Variants in NOL4 observed in about 807,000 individuals in gnomAD.
NOL4 encodes nucleolar protein 4.
In NOL4, 17 loss-of-function variants were observed where a neutral mutation model predicts 75.9. The observed-to-expected ratio is 0.22, with a 90% CI of 0.15 to 0.34. The LOEUF (loss-of-function observed/expected upper bound fraction) is 0.34. Among genes scored for constraint, NOL4 ranks in the 10% least tolerant of loss-of-function variants. The pLI is 1.00. For synonymous variants in NOL4, 292 were observed against 289.9 expected, an observed-to-expected ratio of 1.01 and a Z score of -0.07; for missense variants, 614 against 793.5, an observed-to-expected ratio of 0.77 and a Z score of 2.72.
At chr18:34,103,154 A>C (rs536783484) in intron 4 of NOL4, among the ~76,000 whole-genome samples, 1 of 152,180 alleles carries the variant, frequency 6.6e-6, no homozygotes, top group African/African-American at 2.4e-5. Context: ...TGAAAAACAA[A>C]CATTTAACCT....
chr18:34,139,421 CA>C (rs1388661722), intron 1 of NOL4, among the ~76,000 whole-genome samples: 1 of 152,040 alleles, frequency 6.6e-6, no homozygotes, highest in African/African-American at 2.4e-5. Context: ...TGTATGTGTC[CA>C]GGAATTTATC....
rs533093385 is a variant in NOL4 at position 34,026,341 on chromosome 18, C to T, written c.773-6740G>A. 6.6e-5 allele frequency among the ~76,000 whole-genome samples: 10 copies of T among 152,262 alleles called. No individual in the cohort carries two copies. In the South Asian group the frequency reaches 2.1e-3, roughly 32 times the overall value. On this transcript the variant is annotated intron_variant, in intron 5 of 10. Coordinates refer to ENST00000261592, the MANE Select transcript of NOL4 (RefSeq NM_003787.5). ...TCCATCTCCAGCATGGGGAGTATATCCTCTATGCCCTAGTTCCTGCTAAGA... is the reference window on the plus strand; with the variant it reads ...TCCATCTCCAGCATGGGGAGTATATTCTCTATGCCCTAGTTCCTGCTAAGA...
intron 9 of NOL4, among the ~76,000 whole-genome samples, chr18:33,913,398 G>C (rs2066524448): frequency 6.6e-6 from 1 of 152,114 alleles, no homozygotes; most frequent in Non-Finnish European, 1.5e-5. Context: ...CCAATCATCA[G>C]TGTTTGGATG....
At chr18:34,157,482 C>T (rs1193290221) in intron 1 of NOL4, among the ~76,000 whole-genome samples, 1 of 151,764 alleles carries the variant, frequency 6.6e-6, no homozygotes, top group East Asian at 1.9e-4. Flanking sequence ...ATAGAATTGT[C>T]CATGAAGTAG....
chr18:34,190,614 T>C (rs915607924), intron 1 of NOL4, among the ~76,000 whole-genome samples: 3 of 151,902 alleles, frequency 2.0e-5, no homozygotes. Flanking sequence ...TTGTAATTTA[T>C]ATTCATAAAT....
At chr18:34,049,355 G>A (rs181568355) in intron 5 of NOL4, among the ~76,000 whole-genome samples, 4 of 151,926 alleles carry the variant, frequency 2.6e-5, no homozygotes, top group African/African-American at 7.2e-5. Flanking sequence ...GATTTCATAC[G>A]TTATTTTCAA....
chr18:34,026,944 T>C (rs2075373491), intron 5 of NOL4, among the ~76,000 whole-genome samples: 1 of 152,202 alleles, frequency 6.6e-6, no homozygotes, highest in Non-Finnish European at 1.5e-5. Context: ...AGGAAACACA[T>C]GTTTGGGTAT....
intron 9 of NOL4, among the ~76,000 whole-genome samples, chr18:33,911,422 T>G (rs1349189132): frequency 6.6e-6 from 1 of 152,104 alleles, no homozygotes; most frequent in Non-Finnish European, 1.5e-5. Context: ...ATTTTTTACC[T>G]TTCTACTTTA....
At chr18:34,087,052 T>C (rs2078277387) in intron 5 of NOL4, among the ~76,000 whole-genome samples, 1 of 152,124 alleles carries the variant, frequency 6.6e-6, no homozygotes, top group South Asian at 2.1e-4. Flanking sequence ...TTTAGACCTA[T>C]TGCCATTTTG....
chr18:34,031,107 C>CA (rs1198679432), intron 5 of NOL4, among the ~76,000 whole-genome samples: 1 of 151,922 alleles, frequency 6.6e-6, no homozygotes, highest in Non-Finnish European at 1.5e-5. Flanking sequence ...TCAGGAAGGG[C>CA]ACTTATCTCA....
At chr18:33,911,955 A>G (rs1213982180) in intron 9 of NOL4, among the ~76,000 whole-genome samples, 1 of 151,958 alleles carries the variant, frequency 6.6e-6, no homozygotes, top group Non-Finnish European at 1.5e-5. Flanking sequence ...TCCATTTCCT[A>G]CTTGGGTAGG....
At chr18:34,069,946 A>G (rs971473977) in intron 5 of NOL4, among the ~76,000 whole-genome samples, 2 of 152,244 alleles carry the variant, frequency 1.3e-5, no homozygotes, top group African/African-American at 2.4e-5. Flanking sequence ...CTAATCATAT[A>G]AGATACCCCA....
intron 4 of NOL4, 112 bp downstream of exon 4, chr18:34,103,935 T>G: frequency 1.4e-6 from 1 of 710,374 alleles, no homozygotes; most frequent in South Asian, 1.6e-5. Flanking sequence ...GATTCATTCA[T>G]TAAAAAATAA....
At position 34,223,036 on chromosome 18, in the gene NOL4, C is replaced by G; in HGVS notation, c.218G>C (p.Gly73Ala). The G allele has an allele frequency of 6.2e-7, 1 of 1,613,140 alleles. No homozygotes were observed. Residue 73 changes from glycine to alanine, a missense_variant, in exon 1 of 11, where the codon GGA becomes GCA. By Grantham distance (60) the Gly-to-Ala change is moderately conservative. Coordinates refer to ENST00000261592, the MANE Select transcript of NOL4 (RefSeq NM_003787.5). ...QLGQPDEVRG[G>A]GGGAKQVLYV... ...GAGCACTTGCTTGGCGCCGCCGCCT[C>G]CCCCGCGGACCTCGTCCGGCTGGCC...
rs1388230648 is a variant in NOL4 at position 34,032,756 on chromosome 18, G to T, written c.773-13155C>A. Among the ~76,000 whole-genome samples the T allele has an allele frequency of 2.0e-5, 3 of 152,126 alleles. No individual in the cohort carries two copies. The South Asian group carries it at 6.2e-4, about 31-fold the overall frequency. Reference sequence around the variant, plus strand: ...TAAGCCACCTGGAGGCTCAAGAATAGGTTTACCTGAACCAACAAACACCAG... The same window carrying T: ...TAAGCCACCTGGAGGCTCAAGAATATGTTTACCTGAACCAACAAACACCAG... On this transcript the variant is annotated intron_variant, in intron 5 of 10. Transcript: ENST00000261592.
chr18:33,965,329 C>T (rs1395567251), intron 6 of NOL4, among the ~76,000 whole-genome samples: 5 of 151,974 alleles, frequency 3.3e-5, no homozygotes, highest in Non-Finnish European at 5.9e-5. Context: ...AACAAACCAA[C>T]CAAAAACCAA....
intron 5 of NOL4, among the ~76,000 whole-genome samples, chr18:34,083,916 C>G (rs989945667): frequency 3.3e-5 from 5 of 152,196 alleles, no homozygotes; most frequent in Non-Finnish European, 7.3e-5. Context: ...TCAGGCCCTT[C>G]TTCCTTAGGG....
intron 4 of NOL4, among the ~76,000 whole-genome samples, chr18:34,103,619 G>A (rs1876685816): frequency 1.3e-5 from 2 of 152,040 alleles, no homozygotes; most frequent in South Asian, 4.1e-4. Flanking sequence ...AGGTTTGAAT[G>A]ATGGAGAAAT....
At chr18:34,001,408 A>T (rs1477204541) in intron 6 of NOL4, among the ~76,000 whole-genome samples, 1 of 152,174 alleles carries the variant, frequency 6.6e-6, no homozygotes, top group Non-Finnish European at 1.5e-5. Context: ...AGCTAAGAAC[A>T]ATATTCCCTT....
Sources: gnomAD v4.1 joint callset for allele counts (sites outside exome capture counted in the v4.1 genomes callset) on GRCh38, gnomAD v4.1.1 for gene constraint, MANE v1.5 for transcripts, NCBI Gene and HGNC (gene_info 2026-07-23, HGNC 2026-07-21) for gene names.